Variants in MACROD1 observed in about 807,000 individuals in gnomAD.
MACROD1 encodes the protein mono-ADP ribosylhydrolase 1.
In MACROD1, 31 loss-of-function variants were observed where a neutral mutation model predicts 41.4. The ratio of observed to expected loss-of-function variants is 0.75; its 90% CI spans 0.56 to 1.01. The LOEUF (loss-of-function observed/expected upper bound fraction) is 1.01, where lower values mean the gene tolerates loss of function less well. Ranked by LOEUF, MACROD1 falls within the 50% of genes least tolerant of loss-of-function variation. MACROD1 has a pLI of 0.00. For missense variants in MACROD1, 473 were observed against 460.0 expected, an observed-to-expected ratio of 1.03 and a Z score of -0.26; for synonymous variants, 252 against 203.4, an observed-to-expected ratio of 1.24 and a Z score of -2.03.
At chr11:64,106,749 C>T (rs544326341) in intron 3 of MACROD1, among the ~76,000 whole-genome samples, 1 of 152,350 alleles carries the variant, frequency 6.6e-6, no homozygotes, top group African/African-American at 2.4e-5. Context: ...GAGCCCGCAG[C>T]CTCAGTCCTG....
In MACROD1 at chr11:64,120,671, G is replaced by A. The variant is rs1945083270; in HGVS notation, c.517+30568C>T. 6.6e-6 allele frequency among the ~76,000 whole-genome samples: 1 copy of A among 151,780 alleles called. No homozygotes were observed. On this transcript the variant is annotated intron_variant, in intron 3 of 10. Transcript: ENST00000255681. The surrounding 1 kb of genome is among the most constrained non-coding windows in gnomAD (Gnocchi z 4.5). ...CTGCATTCCAGCCTGGGCAAAGAGT[G>A]AGACTCCATCTCAAAAAAAAAAAAG...
chr11:64,133,705 T>G (rs1245189789), intron 3 of MACROD1, among the ~76,000 whole-genome samples: 1 of 152,146 alleles, frequency 6.6e-6, no homozygotes, highest in Non-Finnish European at 1.5e-5. Context: ...AGTCCCTGAC[T>G]CTCAGACAGG....
At chr11:64,113,444 G>C (rs1944898101) in intron 3 of MACROD1, among the ~76,000 whole-genome samples, 1 of 151,354 alleles carries the variant, frequency 6.6e-6, no homozygotes, top group Non-Finnish European at 1.5e-5. Context: ...ATGGATGGAT[G>C]GATGGACAGG....
chr11:64,117,410 G>A (rs371386706), intron 3 of MACROD1: 54 of 1,612,172 alleles, frequency 3.3e-5, no homozygotes, highest in African/African-American at 2.0e-4. Flanking sequence ...GTTTTGAGAC[G>A]GGGCCGCAGG....
In MACROD1 at chr11:64,120,112, G is replaced by A. The variant is rs1945072674; in HGVS notation, c.517+31127C>T. On this transcript the variant is annotated intron_variant, in intron 3 of 10. Coordinates refer to ENST00000255681, the MANE Select transcript of MACROD1 (RefSeq NM_014067.4). The surrounding 1 kb of genome is among the most constrained non-coding windows in gnomAD (Gnocchi z 4.5). ...GAAGCAGCAGCGGGGCAGGGGTTAC[G>A]TTAAAAGGCCCGACCGCCACCTTCA... is the stretch of plus-strand genomic sequence containing the variant. Among the ~76,000 whole-genome samples the A allele has an allele frequency of 2.6e-5, 4 of 152,158 alleles. No homozygotes were observed. Among genetic ancestry groups the A allele is most frequent in the African/African-American group, 9.7e-5 (4 of 41,442 alleles).
intron 3 of MACROD1, among the ~76,000 whole-genome samples, chr11:64,030,359 A>G (rs1452306950): frequency 6.6e-6 from 1 of 152,150 alleles, no homozygotes; most frequent in African/African-American, 2.4e-5. Context: ...GCTCCTGTTT[A>G]ATGTTCTGTC....
At chr11:64,066,942 G>A (rs971640182) in intron 3 of MACROD1, among the ~76,000 whole-genome samples, 11 of 152,252 alleles carry the variant, frequency 7.2e-5, no homozygotes, top group African/African-American at 1.7e-4. Context: ...GGTGCTGCCC[G>A]CCCCAGTGCG....
intron 3 of MACROD1, among the ~76,000 whole-genome samples, chr11:64,126,288 G>A (rs892429822): frequency 6.6e-6 from 1 of 152,186 alleles, no homozygotes; most frequent in African/African-American, 2.4e-5. Context: ...AGAGCCATGG[G>A]GAGGAAGCCA....
chr11:64,005,511 G>A (rs1022566022), intron 4 of MACROD1, among the ~76,000 whole-genome samples: 1 of 152,260 alleles, frequency 6.6e-6, no homozygotes, highest in Admixed American at 6.5e-5. Flanking sequence ...GGGGGGCCTG[G>A]GCAAGGTTGT....
intron 3 of MACROD1, among the ~76,000 whole-genome samples, chr11:64,021,959 T>G (rs973466282): frequency 0.092 from 141 of 1,540 alleles, no homozygotes; most frequent in Middle Eastern, 0.25. Context: ...GGGTGTGAGG[T>G]GGCGGCGGGC....
chr11:64,000,377 G>C, intron 4 of MACROD1, 34 bp from the exon 5 acceptor site: 1 of 1,421,320 alleles, frequency 7.0e-7, no homozygotes, highest in Non-Finnish European at 9.4e-7. Flanking sequence ...GAGCTGGCCT[G>C]GCAAGGCTGC....
rs1565261232 is a variant in MACROD1, at chr11:64,151,257, C to T, written c.499G>A (p.Asp167Asn). The change falls in exon 3 of 11, where the codon GAC becomes AAC. Residue 167 changes from aspartate to asparagine, a missense_variant. By Grantham distance (23) the Asp-to-Asn change is conservative (BLOSUM62 1). Coordinates refer to ENST00000255681, the MANE Select transcript of MACROD1 (RefSeq NM_014067.4). Reference protein sequence around the residue: ...LRSDITKLEVDAIVNAANSSL... With the variant: ...LRSDITKLEVNAIVNAANSSL... ...CACTCACCGGCGTTGACGATGGCGTCCACCTCCAGCTTGGTGATGTCGCTG... is the reference window on the plus strand; with the variant it reads ...CACTCACCGGCGTTGACGATGGCGTTCACCTCCAGCTTGGTGATGTCGCTG... 6.2e-7 allele frequency: 1 copy of T among 1,613,604 alleles called. No individual in the cohort carries two copies. The highest frequency in any genetic ancestry group is 2.2e-5 in the East Asian group (1 of 44,884).
At chr11:64,015,326 C>A (rs183953883) in intron 3 of MACROD1, 45 bp from the exon 4 acceptor site, 1 of 1,568,328 alleles carries the variant, frequency 6.4e-7, no homozygotes, top group Non-Finnish European at 8.7e-7. Flanking sequence ...GAAGGGGCTG[C>A]GGCGGGAGTA....
Position 64,000,350 on chromosome 11 carries a change from G to C in MACROD1, c.548-7C>G. The C allele has an allele frequency of 6.4e-7, 1 of 1,557,472 alleles. No individual in the cohort carries two copies. Among genetic ancestry groups the C allele is most frequent in the Non-Finnish European group, 8.7e-7 (1 of 1,152,424 alleles). On this transcript the variant is annotated splice_polypyrimidine_tract_variant and splice_region_variant and intron_variant, in intron 4 of 10. Coordinates refer to ENST00000255681, the MANE Select transcript of MACROD1 (RefSeq NM_014067.4). ...CGATGAATGCAGCCGTCCACTGCGG[G>C]AAGGGCGGGCGCGACTGAGCTGGCC...
At position 64,053,874 on chromosome 11, in the gene MACROD1, G is replaced by GCAAGGCCGCATACCCGGTTGCTT; in HGVS notation, c.518-38616_518-38594dup. 2.0e-5 allele frequency among the ~76,000 whole-genome samples: 3 copies of GCAAGGCCGCATACCCGGTTGCTT among 152,266 alleles called. No homozygotes were observed. In the South Asian group the frequency reaches 6.2e-4, roughly 32 times the overall value. The stretch of plus-strand genomic sequence containing the variant: ...TGGGAGTTAGGGGCAGGGCTAAGAT[G>GCAAGGCCGCATACCCGGTTGCTT]CAAGGCCGCATACCCGGTTGCTTCC... On this transcript the variant is annotated intron_variant, in intron 3 of 10. Transcript: ENST00000255681.
chr11:64,002,350 G>A (rs1389463056), intron 4 of MACROD1, among the ~76,000 whole-genome samples: 2 of 152,208 alleles, frequency 1.3e-5, no homozygotes, highest in Non-Finnish European at 2.9e-5. Flanking sequence ...GAAGTGGACT[G>A]GCCTGCAGCC....
chr11:64,030,774 G>A (rs1372014380), intron 3 of MACROD1, among the ~76,000 whole-genome samples: 1 of 152,050 alleles, frequency 6.6e-6, no homozygotes, highest in Non-Finnish European at 1.5e-5. Context: ...GTTAGAAGCT[G>A]GGCATGGTGG....
chr11:64,115,589 C>T (rs1386639071), intron 3 of MACROD1, among the ~76,000 whole-genome samples: 3 of 152,200 alleles, frequency 2.0e-5, no homozygotes, highest in African/African-American at 7.2e-5. Flanking sequence ...TGTTTTAACA[C>T]CAGACAATGA....
rs1215868215 is a variant in MACROD1, at chr11:64,157,953, C to T, written c.299-5560G>A. On this transcript the variant is annotated intron_variant, in intron 1 of 10. Coordinates refer to ENST00000255681, the MANE Select transcript of MACROD1 (RefSeq NM_014067.4). ...GCTCGAGCAAAAGGGAGACGGAGCA[C>T]GCAGCACCTTGGAGCCCCTCTCCTC... 3.3e-5 allele frequency among the ~76,000 whole-genome samples: 5 copies of T among 152,192 alleles called. No individual in the cohort carries two copies. The South Asian group carries it at 6.2e-4, about 19-fold the overall frequency.
Sources: gnomAD v4.1 joint callset for allele counts (sites outside exome capture counted in the v4.1 genomes callset) on GRCh38, gnomAD v4.1.1 for gene constraint, Gnocchi (gnomAD v3.1) non-coding constraint, MANE v1.5 for transcripts, NCBI Gene and HGNC (gene_info 2026-07-23, HGNC 2026-07-21) for gene names.